The following SYBU variants were observed in gnomAD, a reference collection of about 807,000 sequenced individuals.
The protein encoded by SYBU is syntabulin.
In SYBU, 21 loss-of-function variants were observed where a neutral mutation model predicts 35.9. The ratio of observed to expected loss-of-function variants is 0.58; its 90% CI spans 0.41 to 0.84. SYBU has a LOEUF of 0.84. SYBU is among the 40% of genes least tolerant of loss of function. The probability of loss-of-function intolerance (pLI) is 0.00; values close to 1 mark genes in which losing one functional copy is unlikely to be tolerated. For synonymous variants in SYBU, 319 were observed against 324.3 expected, an observed-to-expected ratio of 0.98 and a Z score of 0.18; for missense variants, 768 against 848.2, an observed-to-expected ratio of 0.91 and a Z score of 1.17.
intron 1 of SYBU, among the ~76,000 whole-genome samples, chr8:109,653,752 AC>A (rs1816246419): frequency 6.6e-6 from 1 of 152,158 alleles, no homozygotes; most frequent in African/African-American, 2.4e-5. Context: ...TGATTGACAG[AC>A]AAAAATAGGA....
At chr8:109,688,481 G>A (rs1817569530) in intron 1 of SYBU, among the ~76,000 whole-genome samples, 1 of 152,104 alleles carries the variant, frequency 6.6e-6, no homozygotes, top group Non-Finnish European at 1.5e-5. Context: ...AGGTATTCTG[G>A]GACTTCTGCC....
At chr8:109,586,362 A>AG in intron 3 of SYBU, 200 bp from the exon 4 acceptor site, 2 of 564,902 alleles carry the variant, frequency 3.5e-6, no homozygotes, top group South Asian at 4.3e-5. Flanking sequence ...TTTCATAAAC[A>AG]CAGCTAAGAT....
intron 2 of SYBU, among the ~76,000 whole-genome samples, chr8:109,635,637 C>T (rs914301721): frequency 5.9e-5 from 9 of 152,184 alleles, no homozygotes; most frequent in Non-Finnish European, 1.3e-4. Flanking sequence ...GAGATTTAGA[C>T]ACAATCCTTC....
chr8:109,577,865 C>T lies in SYBU; in HGVS notation c.884+3G>A. The T allele has an allele frequency of 2.5e-6, 4 of 1,610,074 alleles. No homozygotes were observed. The highest frequency in any genetic ancestry group is 3.4e-6 in the Non-Finnish European group (4 of 1,177,988). On this transcript the variant is annotated splice_donor_region_variant and intron_variant, in intron 6 of 6. Coordinates refer to ENST00000276646, the MANE Select transcript of SYBU (RefSeq NM_001099754.2). Reference sequence around the variant, plus strand: ...CCCCACCGTTCAAGGAAGGCAGATTCACCTTTCATGGAGTCGGCGCTCAGA... The same window carrying T: ...CCCCACCGTTCAAGGAAGGCAGATTTACCTTTCATGGAGTCGGCGCTCAGA...
intron 1 of SYBU, among the ~76,000 whole-genome samples, chr8:109,690,541 T>A (rs1817621876): frequency 6.6e-6 from 1 of 152,190 alleles, no homozygotes; most frequent in South Asian, 2.1e-4. Context: ...AACCTAGCAG[T>A]GGAGTCTCCT....
chr8:109,574,921 G>C lies in SYBU; in HGVS notation c.1977C>G (p.Phe659Leu). The change falls in exon 7 of 7, where the codon TTC becomes TTG. Residue 659 changes from phenylalanine to leucine, a missense_variant. Coordinates refer to ENST00000276646, the MANE Select transcript of SYBU (RefSeq NM_001099754.2). ...VALHSLRRTA[F>L]RIKT ...CAACTTCTATTTAGGTTTTGATACG[G>C]AAGGCGGTGCGGCGGAGCGAATGCA... 6.6e-7 allele frequency: 1 copy of C among 1,514,136 alleles called. No homozygotes were observed. The highest frequency in any genetic ancestry group is 1.3e-5 in the South Asian group (1 of 74,618). 93.8% of individuals were successfully genotyped at this position (1,514,136 alleles called of 1,614,324 possible). A position where few individuals can be genotyped will look rare whatever the true frequency, so the allele number is the denominator to read the frequency against.
intron 1 of SYBU, among the ~76,000 whole-genome samples, chr8:109,658,028 G>A (rs949724127): frequency 6.6e-6 from 1 of 152,270 alleles, no homozygotes; most frequent in Admixed American, 6.5e-5. Flanking sequence ...CTATCTGTGG[G>A]TTTCTTTCTT....
chr8:109,616,696 C>CT (rs34415660), intron 3 of SYBU, among the ~76,000 whole-genome samples: 2,884 of 141,592 alleles, frequency 0.02, 41 homozygotes, highest in Non-Finnish European at 0.031. Context: ...ATGAAACATA[C>CT]TTTTTTTTTT....
chr8:109,591,648 A>G (rs1429049936), intron 3 of SYBU, among the ~76,000 whole-genome samples: 2 of 149,004 alleles, frequency 1.3e-5, no homozygotes, highest in African/African-American at 2.5e-5. Flanking sequence ...AGTAGCTGGG[A>G]CTACAGGCGC....
At chr8:109,588,502 G>C (rs1484428561) in intron 3 of SYBU, among the ~76,000 whole-genome samples, 1 of 152,130 alleles carries the variant, frequency 6.6e-6, no homozygotes, top group East Asian at 1.9e-4. Flanking sequence ...TATTTGAATA[G>C]TACGATAGTG....
intron 3 of SYBU, chr8:109,603,452 C>T: frequency 1.0e-6 from 1 of 978,840 alleles, no homozygotes; most frequent in Non-Finnish European, 1.2e-6. Flanking sequence ...TGACATCTGG[C>T]ACAAAGCACA....
At chr8:109,579,172 C>T (rs983782729) in intron 5 of SYBU, among the ~76,000 whole-genome samples, 11 of 152,196 alleles carry the variant, frequency 7.2e-5, no homozygotes, top group Admixed American at 6.5e-5. Context: ...TGCCTGCCTC[C>T]AAGATGACCT....
At chr8:109,664,965 T>C (rs1315193483) in intron 1 of SYBU, among the ~76,000 whole-genome samples, 6 of 152,366 alleles carry the variant, frequency 3.9e-5, no homozygotes, top group South Asian at 2.1e-4. Context: ...TGATATATTC[T>C]AATTTCCCTT....
At chr8:109,654,973 G>T (rs1816295220) in intron 1 of SYBU, among the ~76,000 whole-genome samples, 2 of 152,014 alleles carry the variant, frequency 1.3e-5, no homozygotes, top group South Asian at 4.2e-4. Flanking sequence ...GTTCATTTTT[G>T]AACAGTGGCC....
intron 1 of SYBU, among the ~76,000 whole-genome samples, chr8:109,654,197 C>T (rs758890856): frequency 6.6e-6 from 1 of 152,134 alleles, no homozygotes; most frequent in Non-Finnish European, 1.5e-5. Context: ...CCATTCATCA[C>T]CAAACGTCTG....
intron 1 of SYBU, among the ~76,000 whole-genome samples, chr8:109,669,245 G>C (rs1360285957): frequency 6.6e-6 from 1 of 151,386 alleles, no homozygotes; most frequent in Non-Finnish European, 1.5e-5. Context: ...GGGAGGCTGA[G>C]GCAGGAGAAT....
At chr8:109,626,405 A>T (rs1299757193) in intron 2 of SYBU, among the ~76,000 whole-genome samples, 1 of 152,206 alleles carries the variant, frequency 6.6e-6, no homozygotes, top group Non-Finnish European at 1.5e-5. Context: ...AAAATATGGC[A>T]TGAGGGTTAG....
intron 2 of SYBU, among the ~76,000 whole-genome samples, chr8:109,626,123 G>A (rs1812954246): frequency 6.6e-6 from 1 of 151,986 alleles, no homozygotes; most frequent in Non-Finnish European, 1.5e-5. Context: ...TTTCTGTTTG[G>A]AAGTTCAGGT....
intron 1 of SYBU, among the ~76,000 whole-genome samples, chr8:109,667,569 T>C (rs1586979190): frequency 6.6e-6 from 1 of 152,054 alleles, no homozygotes; most frequent in African/African-American, 2.4e-5. Context: ...TCCTACCACA[T>C]AAAATACTGT....
Sources: allele counts gnomAD v4.1 joint callset (sites outside exome capture counted in the v4.1 genomes callset), GRCh38; gene constraint gnomAD v4.1.1; transcripts MANE v1.5; gene names NCBI Gene and HGNC (gene_info 2026-07-23, HGNC 2026-07-21).